PBX3: variants seen among roughly 807,000 people sequenced by gnomAD.
PBX3 encodes PBX homeobox 3.
PBX3 carries 14 observed loss-of-function variants against 48.5 expected under a neutral mutation model. The ratio of observed to expected loss-of-function variants is 0.29; its 90% CI spans 0.19 to 0.45. The LOEUF (loss-of-function observed/expected upper bound fraction) is 0.45. PBX3 is among the 20% of genes least tolerant of loss of function. The pLI is 1.00. For synonymous variants in PBX3, 210 were observed against 200.3 expected (o/e 1.05, Z -0.41); for missense variants, 386 against 546.7 (o/e 0.71, Z 2.93).
intron 5 of PBX3, among the ~76,000 whole-genome samples, chr9:125,959,985 C>T (rs186480126): frequency 1.3e-5 from 2 of 152,322 alleles, no homozygotes; most frequent in East Asian, 3.9e-4. Context: ...GTAGAAATCT[C>T]TCTTCCATTT....
intron 2 of PBX3, among the ~76,000 whole-genome samples, chr9:125,763,762 C>T (rs1005701451): frequency 2.6e-5 from 4 of 152,168 alleles, no homozygotes; most frequent in Admixed American, 1.3e-4. Context: ...TCCTTTTACT[C>T]CACTTTGATG....
At chr9:125,852,010 T>G (rs1020255280) in intron 2 of PBX3, among the ~76,000 whole-genome samples, 1 of 152,062 alleles carries the variant, frequency 6.6e-6, no homozygotes, top group Admixed American at 6.6e-5. Context: ...AAATGTGGTA[T>G]TCAGTTTGGA....
chr9:125,948,959 GT>G (rs1258980511), intron 5 of PBX3, among the ~76,000 whole-genome samples: 2 of 152,080 alleles, frequency 1.3e-5, no homozygotes, highest in Non-Finnish European at 2.9e-5. Context: ...TAGAGATGGG[GT>G]TTCACCACAT....
chr9:125,761,113 T>C (rs907353708), intron 2 of PBX3, among the ~76,000 whole-genome samples: 2 of 152,174 alleles, frequency 1.3e-5, no homozygotes, highest in Admixed American at 6.5e-5. Context: ...TGTAACTGGA[T>C]ATTTACCATT....
intron 2 of PBX3, chr9:125,748,990 C>T (rs374049645): frequency 5.2e-6 from 1 of 191,028 alleles, no homozygotes; most frequent in Admixed American, 5.5e-5. Flanking sequence ...ACCGAGTCCC[C>T]GGGAGAAGCA....
intron 2 of PBX3, among the ~76,000 whole-genome samples, chr9:125,762,055 C>A (rs1393479819): frequency 1.3e-5 from 2 of 152,166 alleles, no homozygotes; most frequent in South Asian, 2.1e-4. Flanking sequence ...AGTTTATATT[C>A]TAAATATATT....
chr9:125,778,609 T>TC (rs1349497614), intron 2 of PBX3, among the ~76,000 whole-genome samples: 2 of 150,412 alleles, frequency 1.3e-5, no homozygotes, highest in African/African-American at 4.9e-5. Flanking sequence ...TCTTTTCTTT[T>TC]TTTTTTTTTT....
In PBX3 at chr9:125,929,800, C is replaced by T. The variant is rs756309619; in HGVS notation, c.662C>T (p.Thr221Ile). The T allele has an allele frequency of 1.2e-6, 2 of 1,613,980 alleles. No individual in the cohort carries two copies. Residue 221 changes from threonine to isoleucine, a missense_variant, in exon 4 of 9, where the codon ACT (threonine) becomes ATT (isoleucine). By Grantham distance (89) the Thr-to-Ile change is moderately conservative. Around this residue, in one of 4 missense-constraint regions of PBX3, gnomAD observed 74 missense variants for 206.1 expected, o/e 0.36. Transcript: ENST00000373489. ...SSIQMQLKQS[T>I]CEAVMILRSR... ...ATTCAGATGCAGCTCAAACAAAGCA[C>T]TTGTGAAGCAGTTATGATTTTAAGA...
intron 3 of PBX3, among the ~76,000 whole-genome samples, chr9:125,927,426 AG>A (rs1232835280): frequency 1.3e-5 from 2 of 152,212 alleles, no homozygotes; most frequent in African/African-American, 4.8e-5. Context: ...TGAAATACAC[AG>A]GGTTCAGGAA....
At chr9:125,911,253 A>C (rs2132452516) in intron 2 of PBX3, among the ~76,000 whole-genome samples, 1 of 152,302 alleles carries the variant, frequency 6.6e-6, no homozygotes, top group South Asian at 2.1e-4. Flanking sequence ...CATCTTACTT[A>C]AGGATTTCAG....
intron 2 of PBX3, among the ~76,000 whole-genome samples, chr9:125,880,054 C>A (rs539676557): frequency 5.3e-5 from 8 of 152,144 alleles, no homozygotes; most frequent in Non-Finnish European, 8.8e-5. Context: ...CATTATTATT[C>A]TTATTATTGA....
At chr9:125,932,265 C>T (rs759392981) in intron 4 of PBX3, among the ~76,000 whole-genome samples, 7 of 152,176 alleles carry the variant, frequency 4.6e-5, no homozygotes, top group African/African-American at 9.7e-5. Context: ...TCTAAATGCT[C>T]GCTTTTCAGA....
chr9:125,870,738 G>A (rs2132319236), intron 2 of PBX3, among the ~76,000 whole-genome samples: 1 of 152,166 alleles, frequency 6.6e-6, no homozygotes, highest in Non-Finnish European at 1.5e-5. Context: ...AGAGAGTGGT[G>A]GTCAGAGTTA....
chr9:125,780,512 G>T (rs1468420580), intron 2 of PBX3, among the ~76,000 whole-genome samples: 1 of 140,460 alleles, frequency 7.1e-6, no homozygotes, highest in Non-Finnish European at 1.6e-5. Flanking sequence ...GCCGGGTGGG[G>T]GGCTAACTCC....
intron 2 of PBX3, among the ~76,000 whole-genome samples, chr9:125,783,934 G>C (rs1837391748): frequency 6.6e-6 from 1 of 152,086 alleles, no homozygotes; most frequent in Non-Finnish European, 1.5e-5. Context: ...CCAGGAGGCA[G>C]AGGTTGCAGT....
intron 2 of PBX3, among the ~76,000 whole-genome samples, chr9:125,757,410 C>G (rs1329886976): frequency 1.3e-5 from 2 of 152,120 alleles, no homozygotes; most frequent in Non-Finnish European, 2.9e-5. Flanking sequence ...CTGCCACCAA[C>G]TGACAGCCAT....
chr9:125,778,383 G>T (rs1273054822), intron 2 of PBX3, among the ~76,000 whole-genome samples: 1 of 151,530 alleles, frequency 6.6e-6, no homozygotes, highest in Non-Finnish European at 1.5e-5. Flanking sequence ...TCAGCCTCCC[G>T]AATAGCTGGG....
chr9:125,900,239 T>C (rs200285930), intron 2 of PBX3, among the ~76,000 whole-genome samples: 2,825 of 19,920 alleles, frequency 0.14, 151 homozygotes, highest in East Asian at 0.43. Context: ...TCCCGCCCTT[T>C]TTTTTTTTTT....
At chr9:125,953,908 A>C (rs1245396324) in intron 5 of PBX3, among the ~76,000 whole-genome samples, 1 of 152,208 alleles carries the variant, frequency 6.6e-6, no homozygotes, top group Non-Finnish European at 1.5e-5. Flanking sequence ...AGAGGAGCTG[A>C]AGGTTTTCCA....
Sources: gnomAD v4.1 joint callset for allele counts (sites outside exome capture counted in the v4.1 genomes callset) on GRCh38, gnomAD v4.1.1 for gene constraint, gnomAD v4.1.1 regional missense constraint, MANE v1.5 for transcripts, NCBI Gene and HGNC (gene_info 2026-07-23, HGNC 2026-07-21) for gene names.